CFAP96: variants seen among roughly 807,000 people sequenced by gnomAD.
The protein encoded by CFAP96 is cilia-and flagella-associated protein 96.
At chr4:185,437,287 G>C in the CFAP96 span, among the ~76,000 whole-genome samples, 1 of 152,198 alleles carries the variant, frequency 6.6e-6, no homozygotes, top group Non-Finnish European at 1.5e-5. Context: ...GACTTGTAAT[G>C]AGACCTGTTC....
chr4:185,425,962 G>A, the CFAP96 span: 14 of 1,462,958 alleles, frequency 9.6e-6, no homozygotes, highest in East Asian at 2.7e-4. Flanking sequence ...CCAGGGGCGG[G>A]GCCCGGGCGG....
the CFAP96 span, chr4:185,445,228 T>A: frequency 3.5e-6 from 4 of 1,129,676 alleles, no homozygotes; most frequent in Admixed American, 5.3e-5. Context: ...TATACTTTTT[T>A]AAATGACAAA....
the CFAP96 span, among the ~76,000 whole-genome samples, chr4:185,428,536 C>T: frequency 6.8e-6 from 1 of 146,958 alleles, no homozygotes; most frequent in Non-Finnish European, 1.5e-5. Flanking sequence ...CATGCCACTG[C>T]ACTCCAGCCT....
At chr4:185,431,889 C>A in the CFAP96 span, 1 of 1,049,526 alleles carries the variant, frequency 9.5e-7, no homozygotes, top group Non-Finnish European at 1.4e-6. Flanking sequence ...TCATAATTGG[C>A]CCAAATCATA....
chr4:185,431,562 C>T, the CFAP96 span, among the ~76,000 whole-genome samples: 1 of 152,098 alleles, frequency 6.6e-6, no homozygotes, highest in Admixed American at 6.5e-5. Flanking sequence ...GAATATATGC[C>T]CCAGAGAGGA....
the CFAP96 span, chr4:185,426,211 G>C: frequency 2.8e-6 from 1 of 355,928 alleles, no homozygotes. Context: ...CCGTACCCGG[G>C]GCAACACATC....
chr4:185,424,192 G>A, the CFAP96 span, among the ~76,000 whole-genome samples: 1 of 151,446 alleles, frequency 6.6e-6, no homozygotes, highest in Non-Finnish European at 1.5e-5. Flanking sequence ...CTGTAGTCCA[G>A]CTACTCGGGA....
the CFAP96 span, chr4:185,440,720 G>A: frequency 8.6e-4 from 1,162 of 1,346,680 alleles, 12 homozygotes; most frequent in African/African-American, 0.018. Context: ...TGGTAAAAAG[G>A]TAAGTTTACA....
At chr4:185,437,674 A>G in the CFAP96 span, among the ~76,000 whole-genome samples, 2 of 152,162 alleles carry the variant, frequency 1.3e-5, no homozygotes, top group African/African-American at 2.4e-5. Context: ...AATATTGCAT[A>G]CATACTACAT....
chr4:185,426,496 C>G, the CFAP96 span: 2 of 152,746 alleles, frequency 1.3e-5, no homozygotes, highest in Non-Finnish European at 2.9e-5. Context: ...ATCACCTCCT[C>G]CAGTTTTCTG....
chr4:185,436,241 T>G, the CFAP96 span: 7 of 1,543,710 alleles, frequency 4.5e-6, no homozygotes, highest in African/African-American at 9.7e-5. Context: ...AAAAATTAAA[T>G]TTCTGAATTC....
At chr4:185,429,676 T>G in the CFAP96 span, among the ~76,000 whole-genome samples, 1 of 152,162 alleles carries the variant, frequency 6.6e-6, no homozygotes, top group Non-Finnish European at 1.5e-5. Flanking sequence ...GCGATATCAT[T>G]TATTTATTTA....
At chr4:185,443,335 TATA>T in the CFAP96 span, among the ~76,000 whole-genome samples, 1,796 of 35,418 alleles carry the variant, frequency 0.051, 30 homozygotes, top group Non-Finnish European at 0.081. Flanking sequence ...TATATATATA[TATA>T]TATATTTTTT....
the CFAP96 span, among the ~76,000 whole-genome samples, chr4:185,422,111 T>G: frequency 1.1e-4 from 17 of 152,206 alleles, no homozygotes; most frequent in Non-Finnish European, 2.1e-4. Flanking sequence ...CCCCATATAA[T>G]GTAGTATTTA....
the CFAP96 span, chr4:185,440,549 G>A: frequency 1.8e-5 from 27 of 1,509,044 alleles, no homozygotes; most frequent in Non-Finnish European, 2.4e-5. Flanking sequence ...GAAAGCGAAT[G>A]AAGAGCACCA....
chr4:185,418,269 A>G, the CFAP96 span, among the ~76,000 whole-genome samples: 1 of 152,210 alleles, frequency 6.6e-6, no homozygotes, highest in Admixed American at 6.5e-5. Flanking sequence ...TAATCAGACA[A>G]AAACTTAGAT....
At chr4:185,423,539 CCTAA>C in the CFAP96 span, among the ~76,000 whole-genome samples, 1 of 144,636 alleles carries the variant, frequency 6.9e-6, no homozygotes, top group African/African-American at 2.5e-5. Flanking sequence ...TGGATATTAA[CCTAA>C]CTGCCAACAA....
chr4:185,449,696 C>A, the CFAP96 span: 1 of 1,230,526 alleles, frequency 8.1e-7, no homozygotes, highest in Non-Finnish European at 1.1e-6. Flanking sequence ...AATTCACTAT[C>A]AAGAGCTAAT....
At chr4:185,415,448 T>C in the CFAP96 span, 11 of 1,046,470 alleles carry the variant, frequency 1.1e-5, no homozygotes, top group African/African-American at 1.6e-5. Flanking sequence ...AAAACTTGAT[T>C]GGACCAGGTT....
Sources: gnomAD v4.1 joint callset for allele counts (sites outside exome capture counted in the v4.1 genomes callset) on GRCh38, gnomAD v4.1.1 for gene constraint, MANE v1.5 for transcripts, NCBI Gene and HGNC (gene_info 2026-07-23, HGNC 2026-07-21) for gene names.